The following FAM83A variants were observed in gnomAD, a reference collection of about 807,000 sequenced individuals.
The protein encoded by FAM83A is scaffolding CK1 anchoring protein A.
Under a neutral mutation model 24.4 loss-of-function variants are expected in FAM83A, and 21 were observed. The observed-to-expected ratio is 0.86, with a 90% CI of 0.61 to 1.24. The LOEUF (loss-of-function observed/expected upper bound fraction) is 1.24. Among genes scored for constraint, FAM83A ranks in the 50% most tolerant of loss-of-function variants. FAM83A has a pLI of 0.00. For synonymous variants in FAM83A, 270 were observed against 252.4 expected (o/e 1.07, Z -0.66); for missense variants, 617 against 579.8 (o/e 1.06, Z -0.66).
At chr8:123,194,670 G>C (rs1207020563) in intron 3 of FAM83A, among the ~76,000 whole-genome samples, 1 of 152,184 alleles carries the variant, frequency 6.6e-6, no homozygotes, top group Non-Finnish European at 1.5e-5. Flanking sequence ...ATTTAGTAGA[G>C]ACGGGGTTTC....
exon 4 of FAM83A, chr8:123,207,715 A>T (rs573124316): frequency 1.4e-6 from 2 of 1,445,988 alleles, no homozygotes; most frequent in East Asian, 2.5e-5. Flanking sequence ...TGCCCTCCGC[A>T]GGCCCAGGGC....
chr8:123,188,213 C>T (rs975119981), intron 1 of FAM83A, among the ~76,000 whole-genome samples: 2 of 151,786 alleles, frequency 1.3e-5, no homozygotes, highest in African/African-American at 4.8e-5. Context: ...CCGCATCGCT[C>T]CAATCTCTGC....
At chr8:123,205,192 CG>C (rs1824504820) in intron 3 of FAM83A, among the ~76,000 whole-genome samples, 1 of 151,824 alleles carries the variant, frequency 6.6e-6, no homozygotes, top group African/African-American at 2.4e-5. Flanking sequence ...GGCTCTGGGG[CG>C]GGGCACAGTG....
exon 4 of FAM83A, chr8:123,208,402 T>A: frequency 1.0e-6 from 1 of 985,616 alleles, no homozygotes; most frequent in Non-Finnish European, 1.2e-6. Flanking sequence ...TCAAAGAGCC[T>A]TGGGCTGGCC....
At chr8:123,207,602 A>G (rs1432679067) in exon 4 of FAM83A, 1 of 1,566,514 alleles carries the variant, frequency 6.4e-7, no homozygotes. Flanking sequence ...CTACAGGCCC[A>G]CGCGGCTGCA....
intron 1 of FAM83A, among the ~76,000 whole-genome samples, chr8:123,185,514 G>A (rs982468304): frequency 4.6e-5 from 7 of 152,206 alleles, no homozygotes; most frequent in South Asian, 2.1e-4. Context: ...CCAACACAGC[G>A]TGTTACGAAC....
chr8:123,203,792 A>G (rs1175804424), intron 3 of FAM83A, among the ~76,000 whole-genome samples: 5 of 151,490 alleles, frequency 3.3e-5, no homozygotes, highest in African/African-American at 9.7e-5. Flanking sequence ...AAGAGGCAAC[A>G]TATGGTTAAA....
At chr8:123,200,585 G>A (rs1352515798) in intron 3 of FAM83A, among the ~76,000 whole-genome samples, 1 of 152,186 alleles carries the variant, frequency 6.6e-6, no homozygotes, top group East Asian at 1.9e-4. Context: ...GGGAGGCTGA[G>A]CGGGGTGGGT....
At chr8:123,207,532 C>G in exon 4 of FAM83A, 1 of 1,566,912 alleles carries the variant, frequency 6.4e-7, no homozygotes, top group Non-Finnish European at 8.6e-7. Context: ...GTCCCCAGGC[C>G]CACCTCTCCC....
At chr8:123,185,379 G>A (rs993952113) in intron 1 of FAM83A, among the ~76,000 whole-genome samples, 2 of 152,186 alleles carry the variant, frequency 1.3e-5, no homozygotes, top group Non-Finnish European at 2.9e-5. Flanking sequence ...AGGATCCCTG[G>A]AAGGAAGCCT....
chr8:123,182,666 G>T lies in FAM83A; in HGVS notation c.-191G>T. On this transcript the variant is annotated 5_prime_UTR_variant, in exon 1 of 4. The change creates a new upstream start codon in the 5' untranslated region. Transcript: ENST00000690554. The stretch of plus-strand genomic sequence containing the variant: ...AAGCCAATCCCGCAGCTGCAGATGA[G>T]GAGTTCTGAGAAGCATTGCTCAGGA... 1 of 866,248 alleles carries T rather than the reference G, an allele frequency of 1.2e-6. No individual in the cohort carries two copies. The highest frequency in any genetic ancestry group is 1.9e-6 in the Non-Finnish European group (1 of 535,330). 53.7% of individuals were successfully genotyped at this position (866,248 alleles called of 1,614,324 possible). A position where few individuals can be genotyped will look rare whatever the true frequency, so the allele number is the denominator to read the frequency against.
At chr8:123,188,959 C>T (rs1480634639) in intron 1 of FAM83A, among the ~76,000 whole-genome samples, 5 of 152,220 alleles carry the variant, frequency 3.3e-5, no homozygotes, top group Non-Finnish European at 5.9e-5. Flanking sequence ...AAACCTGCCC[C>T]TGTCTCTGTT....
chr8:123,187,527 T>G (rs1241073956), intron 1 of FAM83A, among the ~76,000 whole-genome samples: 1 of 152,232 alleles, frequency 6.6e-6, no homozygotes, highest in Admixed American at 6.5e-5. Flanking sequence ...ATGCATTTCT[T>G]TTTCATTAAA....
At chr8:123,200,881 G>A (rs1030661596) in intron 3 of FAM83A, among the ~76,000 whole-genome samples, 1 of 147,914 alleles carries the variant, frequency 6.8e-6, no homozygotes, top group African/African-American at 2.5e-5. Context: ...CTTGAACCTG[G>A]GAGGCAGAGG....
chr8:123,208,754 G>C, exon 4 of FAM83A: 1 of 984,734 alleles, frequency 1.0e-6, no homozygotes, highest in Non-Finnish European at 1.2e-6. Context: ...CCAGAACTTT[G>C]GGATGCCAAG....
At position 123,209,707 on chromosome 8, in the gene FAM83A, A is replaced by C; in HGVS notation, c.*2019A>C. The C allele has an allele frequency of 1.3e-6, 1 of 751,746 alleles. No individual in the cohort carries two copies. The highest frequency in any genetic ancestry group is 2.2e-6 in the Non-Finnish European group (1 of 464,218). The allele number at this position is 751,746 out of a possible 1,614,324, so 46.6% of individuals were successfully genotyped here. ...GCTCAGTCCTGGGAGATAGGGGAGAACCTGCAGGCAGGAACAAGCCCCCCT... is the reference window on the plus strand; with the variant it reads ...GCTCAGTCCTGGGAGATAGGGGAGACCCTGCAGGCAGGAACAAGCCCCCCT... On this transcript the variant is annotated 3_prime_UTR_variant, in exon 4 of 4. Transcript: ENST00000690554. The surrounding 1 kb of genome is among the most constrained non-coding windows in gnomAD (Gnocchi z 4.7).
intron 3 of FAM83A, among the ~76,000 whole-genome samples, chr8:123,198,748 C>T (rs1238319424): frequency 2.6e-5 from 4 of 152,164 alleles, no homozygotes; most frequent in Non-Finnish European, 4.4e-5. Context: ...TGTGTTAGGT[C>T]GTACCCCACT....
At position 123,183,994 on chromosome 8, in the gene FAM83A, C is replaced by A. The variant is rs575808731; in HGVS notation, c.480+658C>A. On this transcript the variant is annotated intron_variant, in intron 1 of 3. Transcript: ENST00000690554. ...TACAGGTGTGAGCCCCAGTGCCCTGCAACCTTTTCTGTACGACAAATCTAA... is the reference window on the plus strand; with the variant it reads ...TACAGGTGTGAGCCCCAGTGCCCTGAAACCTTTTCTGTACGACAAATCTAA... 8.5e-5 allele frequency among the ~76,000 whole-genome samples: 13 copies of A among 152,294 alleles called. No individual in the cohort carries two copies. In the South Asian group the frequency reaches 1.2e-3, roughly 15 times the overall value.
chr8:123,185,490 T>C (rs945202076), intron 1 of FAM83A, among the ~76,000 whole-genome samples: 4 of 152,228 alleles, frequency 2.6e-5, no homozygotes, highest in Admixed American at 2.0e-4. Context: ...CTGACACCGC[T>C]GATGTCCTTT....
Sources: gnomAD v4.1 joint callset for allele counts (sites outside exome capture counted in the v4.1 genomes callset) on GRCh38, gnomAD v4.1.1 for gene constraint, Gnocchi (gnomAD v3.1) non-coding constraint, MANE v1.5 for transcripts, NCBI Gene and HGNC (gene_info 2026-07-23, HGNC 2026-07-21) for gene names.